Variants in NAALADL2 observed in about 807,000 individuals in gnomAD.
The protein encoded by NAALADL2 is inactive N-acetylated-alpha-linked acidic dipeptidase-like protein 2.
NAALADL2 carries 76 observed loss-of-function variants against 87.2 expected under a neutral mutation model. The observed-to-expected ratio is 0.87, with a 90% CI of 0.72 to 1.05. The LOEUF is 1.05. Among genes scored for constraint, NAALADL2 ranks in the 50% least tolerant of loss-of-function variants. NAALADL2 has a pLI of 0.00. For missense variants in NAALADL2, 1,089 were observed against 945.8 expected (o/e 1.15, Z -1.99); for synonymous variants, 354 against 331.0 (o/e 1.07, Z -0.75).
At chr3:175,056,726 T>A (rs770510303) in intron 1 of NAALADL2, among the ~76,000 whole-genome samples, 5 of 152,196 alleles carry the variant, frequency 3.3e-5, no homozygotes, top group South Asian at 2.1e-4. Context: ...GTATTCCTTA[T>A]GCGAAATAAA....
chr3:175,027,591 C>T (rs1446268554), intron 1 of NAALADL2, among the ~76,000 whole-genome samples: 1 of 152,090 alleles, frequency 6.6e-6, no homozygotes, highest in African/African-American at 2.4e-5. Flanking sequence ...CTTAAGCATT[C>T]AATCAGCTCT....
chr3:175,570,542 C>A (rs890146023), intron 9 of NAALADL2, among the ~76,000 whole-genome samples: 4 of 152,092 alleles, frequency 2.6e-5, no homozygotes, highest in African/African-American at 9.7e-5. Flanking sequence ...TAAATTATTT[C>A]TACAAAATTG....
chr3:174,882,592 T>C (rs62284948), intron 1 of NAALADL2, among the ~76,000 whole-genome samples: 1,552 of 144,666 alleles, frequency 0.011, 37 homozygotes, highest in African/African-American at 0.037. Flanking sequence ...CACATATGTG[T>C]ATATACACAT....
At chr3:175,615,239 G>A (rs1725169621) in intron 10 of NAALADL2, among the ~76,000 whole-genome samples, 1 of 152,138 alleles carries the variant, frequency 6.6e-6, no homozygotes, top group South Asian at 2.1e-4. Context: ...GAATAAGTGA[G>A]TCCTATGCTT....
rs114022839 is a variant in NAALADL2, at chr3:175,135,997, C to T, written c.545+38706C>T. On this transcript the variant is annotated intron_variant, in intron 2 of 13. Coordinates refer to ENST00000454872, the MANE Select transcript of NAALADL2 (RefSeq NM_207015.3). ...ATGCAGACCCAAAGTTCAAGTGTTA[C>T]GGGGAGAAGGAATGGGAATATGGGC... Among the ~76,000 whole-genome samples the T allele has an allele frequency of 6.3e-3, 965 of 152,052 alleles. 11 individuals carry two copies. The highest frequency in any genetic ancestry group is 0.022 in the African/African-American group (927 of 41,426).
chr3:175,018,667 G>A (rs553641126), intron 1 of NAALADL2, among the ~76,000 whole-genome samples: 1 of 152,094 alleles, frequency 6.6e-6, no homozygotes, highest in East Asian at 1.9e-4. Flanking sequence ...CACTACCACA[G>A]TTTAAATGGC....
chr3:174,810,931 G>T (rs9847163), intron 3 of NAALADL2, among the ~76,000 whole-genome samples: 2,181 of 152,256 alleles, frequency 0.014, 66 homozygotes, highest in African/African-American at 0.051. Flanking sequence ...TTAGGCCACT[G>T]CTCCCTGCAT....
At chr3:174,819,944 C>T (rs1015284350) in intron 3 of NAALADL2, among the ~76,000 whole-genome samples, 1 of 152,108 alleles carries the variant, frequency 6.6e-6, no homozygotes, top group Non-Finnish European at 1.5e-5. Flanking sequence ...CCTTCCTAAT[C>T]CAATTTCTCC....
chr3:175,112,574 C>T (rs1724383762), intron 2 of NAALADL2: 1 of 151,580 alleles, frequency 6.6e-6, no homozygotes, highest in South Asian at 2.1e-4. Flanking sequence ...AGCAGAAGTC[C>T]ATTCTTCTTG....
chr3:175,615,545 T>C (rs956108892), intron 10 of NAALADL2, among the ~76,000 whole-genome samples: 12 of 152,244 alleles, frequency 7.9e-5, no homozygotes, highest in African/African-American at 2.4e-4. Context: ...CAATAAATAT[T>C]GCTAAATCTT....
Position 175,033,972 on chromosome 3 carries a change from C to T in NAALADL2, c.44-62818C>T, listed in dbSNP as rs1470890669. The stretch of plus-strand genomic sequence containing the variant: ...TTCTAAAGCAAAACGTATGAAGCCT[C>T]ACCACTGTGTACGGCCAAACCTATT... On this transcript the variant is annotated intron_variant, in intron 1 of 13. Transcript: ENST00000454872. Among the ~76,000 whole-genome samples, 7 of 152,158 alleles carry T rather than the reference C, an allele frequency of 4.6e-5. No homozygotes were observed. In the South Asian group the frequency reaches 8.3e-4, roughly 18 times the overall value.
intron 1 of NAALADL2, among the ~76,000 whole-genome samples, chr3:174,443,595 C>G (rs767895495): frequency 6.6e-6 from 1 of 152,148 alleles, no homozygotes; most frequent in African/African-American, 2.4e-5. Flanking sequence ...ATTTAGGACT[C>G]TTCATCATAT....
chr3:175,133,853 G>A (rs1201900974), intron 2 of NAALADL2, among the ~76,000 whole-genome samples: 2 of 152,128 alleles, frequency 1.3e-5, no homozygotes, highest in South Asian at 2.1e-4. Flanking sequence ...ACTGATTTTG[G>A]CAACATTCAA....
In NAALADL2 at chr3:175,614,183, G is replaced by C. The variant is rs140242134; in HGVS notation, c.1801-13108G>C. On this transcript the variant is annotated intron_variant, in intron 10 of 13. Transcript: ENST00000454872. ...TTCTCCTGCCTCATCCTCCTGAGTA[G>C]CTGAGATTACAGGTGCGAGCCACCA... Among the ~76,000 whole-genome samples, 917 of 152,270 alleles carry C rather than the reference G, an allele frequency of 6.0e-3. 6 individuals are homozygous for C. Among genetic ancestry groups the C allele is most frequent in the African/African-American group, 0.021 (860 of 41,572 alleles).
intron 1 of NAALADL2, among the ~76,000 whole-genome samples, chr3:175,084,852 G>T (rs893327666): frequency 6.6e-6 from 1 of 152,178 alleles, no homozygotes; most frequent in Non-Finnish European, 1.5e-5. Flanking sequence ...ATAGGCAGTT[G>T]GTAGCCATGT....
chr3:175,370,236 A>G (rs988416055), intron 5 of NAALADL2, among the ~76,000 whole-genome samples: 7 of 152,156 alleles, frequency 4.6e-5, no homozygotes, highest in Admixed American at 3.3e-4. Flanking sequence ...TATCCAGGAG[A>G]GCAAAGATAA....
At chr3:175,493,132 C>T (rs867319169) in intron 9 of NAALADL2, among the ~76,000 whole-genome samples, 1 of 151,950 alleles carries the variant, frequency 6.6e-6, no homozygotes, top group South Asian at 2.1e-4. Flanking sequence ...TAACTAAATG[C>T]TGAATGCACT....
intron 1 of NAALADL2, among the ~76,000 whole-genome samples, chr3:174,975,758 T>A (rs1744279885): frequency 6.6e-6 from 1 of 152,176 alleles, no homozygotes; most frequent in African/African-American, 2.4e-5. Flanking sequence ...GGTAAGAAAC[T>A]GTGGGTGACT....
chr3:175,616,019 T>C (rs1456555209), intron 10 of NAALADL2, among the ~76,000 whole-genome samples: 1 of 147,334 alleles, frequency 6.8e-6, no homozygotes, highest in Non-Finnish European at 1.5e-5. Flanking sequence ...TACATATTTA[T>C]ATATTACATA....
Sources: allele counts gnomAD v4.1 joint callset (sites outside exome capture counted in the v4.1 genomes callset), GRCh38; gene constraint gnomAD v4.1.1; transcripts MANE v1.5; gene names NCBI Gene and HGNC (gene_info 2026-07-23, HGNC 2026-07-21).